The following INTS1 variants were observed in gnomAD, a reference collection of about 807,000 sequenced individuals.
The protein encoded by INTS1 is integrator complex subunit 1.
In INTS1, 137 loss-of-function variants were observed where a neutral mutation model predicts 241.6. That is an observed-to-expected ratio of 0.57 (90% CI 0.49 to 0.65). The LOEUF is 0.65. Ranked by LOEUF, INTS1 falls within the 30% of genes least tolerant of loss-of-function variation. INTS1 has a pLI of 0.00. For synonymous variants in INTS1, 1,692 were observed against 1,337.8 expected (o/e 1.26, Z -5.78); for missense variants, 3,073 against 3,032.2 (o/e 1.01, Z -0.32).
chr7:1,487,859 A>G lies in INTS1; in HGVS notation c.2417T>C (p.Ile806Thr), dbSNP rs1782347676. 4.3e-6 allele frequency: 7 copies of G among 1,613,528 alleles called. No individual in the cohort carries two copies. Among genetic ancestry groups the G allele is most frequent in the Non-Finnish European group, 5.9e-6 (7 of 1,179,844 alleles). The stretch of plus-strand genomic sequence containing the variant: ...CGCCAGGTGCCCCTCGAAGGCCAGG[A>G]TCTCCTGCTTCTCCCGCTGGGCGGT... ...LQTAQREKQE[I>T]LAFEGHLAAA... Residue 806 changes from isoleucine to threonine, a missense_variant, in exon 19 of 48, where the codon ATC becomes ACC. Coordinates refer to ENST00000404767, the MANE Select transcript of INTS1 (RefSeq NM_001080453.3).
chr7:1,483,816 C>A lies in INTS1; in HGVS notation c.3467G>T (p.Ser1156Ile). The change falls in exon 26 of 48, where the codon AGC (serine) becomes ATC (isoleucine). Residue 1156 changes from serine (S) to isoleucine (I), a missense_variant. Physicochemically the swap from Ser to Ile is moderately radical, Grantham distance 142. Transcript: ENST00000404767. ...GATGTGCATGGTGGCTGTCTCCCCGCTGCTCCAGCGTAGGAAGACCTGGTC... is the reference window on the plus strand; with the variant it reads ...GATGTGCATGGTGGCTGTCTCCCCGATGCTCCAGCGTAGGAAGACCTGGTC... ...SQDQVFLRWS[S>I]GETATMHILV... 6.2e-7 allele frequency: 1 copy of A among 1,612,626 alleles called. No individual in the cohort carries two copies. Among genetic ancestry groups the A allele is most frequent in the Non-Finnish European group, 8.5e-7 (1 of 1,179,644 alleles).
intron 16 of INTS1, among the ~76,000 whole-genome samples, 178 bp downstream of exon 16, chr7:1,492,832 C>G (rs1380768492): frequency 1.3e-5 from 2 of 149,848 alleles, no homozygotes; most frequent in Non-Finnish European, 1.5e-5. Context: ...CGCGGGCTTA[C>G]CCGGGCGGGA....
intron 3 of INTS1, among the ~76,000 whole-genome samples, chr7:1,500,606 C>T (rs1783126868): frequency 2.0e-5 from 3 of 152,216 alleles, no homozygotes; most frequent in South Asian, 4.1e-4. Context: ...GTCCTGGCTC[C>T]GCTGTGTCCC....
intron 14 of INTS1, 98 bp from the exon 15 acceptor site, chr7:1,494,009 C>A: frequency 7.1e-7 from 1 of 1,416,294 alleles, no homozygotes; most frequent in Non-Finnish European, 9.5e-7. Flanking sequence ...AGCCCACGGG[C>A]TGGTGGCAGA....
rs1397885457 is a variant in INTS1, at chr7:1,476,416, C to G, written c.5191G>C (p.Glu1731Gln). The change falls in exon 38 of 48, where the codon GAG (glutamate) becomes CAG (glutamine). Residue 1731 changes from glutamate to glutamine, a missense_variant. By Grantham distance (29) the Glu-to-Gln change is conservative. Coordinates refer to ENST00000404767, the MANE Select transcript of INTS1 (RefSeq NM_001080453.3). ...ATCAGCTCCACCAGGCTGATGAGCT[C>G]CGGGCCCTGGACCCGCAGCACCAGC... Reference protein sequence around the residue: ...EELVLRVQGPELISLVELILA... With the variant: ...EELVLRVQGPQLISLVELILA... The G allele has an allele frequency of 6.4e-7, 1 of 1,572,236 alleles. No individual in the cohort carries two copies. The highest frequency in any genetic ancestry group is 1.1e-5 in the South Asian group (1 of 87,358).
Position 1,487,829 on chromosome 7 carries a change from G to C in INTS1, c.2447C>G (p.Ala816Gly), listed in dbSNP as rs985756363. Residue 816 changes from alanine (A) to glycine (G), a missense_variant, in exon 19 of 48, where the codon GCG (alanine) becomes GGG (glycine). By Grantham distance (60) the Ala-to-Gly change is moderately conservative (BLOSUM62 0). Coordinates refer to ENST00000404767, the MANE Select transcript of INTS1 (RefSeq NM_001080453.3). ...CTCAGTGATGGTCTGCTTGGTGGAC[G>C]CGGCCGCCAGGTGCCCCTCGAAGGC... ...ILAFEGHLAA[A>G]STKQTITESS... 2 of 1,613,066 alleles carry C rather than the reference G, an allele frequency of 1.2e-6. No homozygotes were observed. Among genetic ancestry groups the C allele is most frequent in the Non-Finnish European group, 8.5e-7 (1 of 1,179,836 alleles).
At position 1,499,071 on chromosome 7, in the gene INTS1, G is replaced by A. The variant is rs753245094; in HGVS notation, c.1041C>T (p.Ser347=). ...LNRRQPIDNV[S]RNLLRLLTST... is the part of the protein sequence containing the mutation. ...AGGTGAGGAGCCGCAGGAGGTTCCT[G>A]GAGACGTTGTCGATGGGCTGGCGCC... Residue 347 remains serine, a synonymous_variant, in exon 8 of 48, where the codon TCC becomes TCT. Transcript: ENST00000404767. The A allele has an allele frequency of 6.8e-6, 11 of 1,607,172 alleles. No individual in the cohort carries two copies. The highest frequency in any genetic ancestry group is 8.5e-6 in the Non-Finnish European group (10 of 1,178,076).
In INTS1 at chr7:1,473,524, CGCCGGAGGCCCGAGGCTTCCCTGCA is replaced by C. The variant is rs549440446; in HGVS notation, c.5957+17_5957+41del. 260 of 1,555,210 alleles carry C rather than the reference CGCCGGAGGCCCGAGGCTTCCCTGCA, an allele frequency of 1.7e-4. 1 individual carries two copies. In the African/African-American group the frequency reaches 3.0e-3, roughly 18 times the overall value. ...CACCCTCCAGACCCCGCTGGACCCT[CGCCGGAGGCCCGAGGCTTCCCTGCA>C]GCCCGTGGGCACTCACTGGAGCGGG... On this transcript the variant is annotated intron_variant, in intron 42 of 47. Coordinates refer to ENST00000404767, the MANE Select transcript of INTS1 (RefSeq NM_001080453.3).
At chr7:1,503,818 G>A (rs921306759) in intron 2 of INTS1, 85 bp downstream of exon 2, 11 of 1,004,872 alleles carry the variant, frequency 1.1e-5, no homozygotes, top group Admixed American at 9.3e-5. Flanking sequence ...CAAGCCCAAC[G>A]CAGGATCCGC....
Position 1,499,640 on chromosome 7 carries a change from G to A in INTS1, c.685-8C>T. ...GGAGTCCTCGATGTACACCTGTGTG[G>A]CAGCCACACCCTCAGCCCCGAGCCC... is the stretch of plus-strand genomic sequence containing the variant. On this transcript the variant is annotated splice_polypyrimidine_tract_variant and splice_region_variant and intron_variant, in intron 5 of 47. Coordinates refer to ENST00000404767, the MANE Select transcript of INTS1 (RefSeq NM_001080453.3). 2 of 1,591,530 alleles carry A rather than the reference G, an allele frequency of 1.3e-6. No homozygotes were observed. The highest frequency in any genetic ancestry group is 2.3e-5 in the East Asian group (1 of 44,352).
At position 1,474,247 on chromosome 7, in the gene INTS1, A is replaced by C; in HGVS notation, c.5750T>G (p.Leu1917Arg). The part of the protein sequence containing the change: ...CFLHVLGLLE[L>R]LQPHVFRSEH... ...GCTGCGGAACACGTGCGGCTGCAGC[A>C]GCTCCAGCAGGCCCAGCACGTGCAG... is the stretch of plus-strand genomic sequence containing the variant. The change falls in exon 41 of 48, where the codon CTG (leucine) becomes CGG (arginine). Residue 1917 changes from leucine (L) to arginine (R), a missense_variant. By Grantham distance (102) the Leu-to-Arg change is moderately radical. Coordinates refer to ENST00000404767, the MANE Select transcript of INTS1 (RefSeq NM_001080453.3). 1.2e-6 allele frequency: 2 copies of C among 1,605,282 alleles called. No homozygotes were observed. Among genetic ancestry groups the C allele is most frequent in the African/African-American group, 1.3e-5 (1 of 74,916 alleles).
At position 1,496,148 on chromosome 7, in the gene INTS1, A is replaced by T; in HGVS notation, c.1711+8T>A. Reference sequence around the variant, plus strand: ...CCAAGCAGGGCCAGGCCACCCCCACATCCTTACTCCTCTTTTCTCCTTTGT... The same window carrying T: ...CCAAGCAGGGCCAGGCCACCCCCACTTCCTTACTCCTCTTTTCTCCTTTGT... On this transcript the variant is annotated splice_region_variant and intron_variant, in intron 12 of 47. Transcript: ENST00000404767. 5 of 1,611,848 alleles carry T rather than the reference A, an allele frequency of 3.1e-6. No individual in the cohort carries two copies. The highest frequency in any genetic ancestry group is 4.2e-6 in the Non-Finnish European group (5 of 1,178,108).
At chr7:1,494,026 C>G (rs1182332113) in intron 14 of INTS1, 115 bp from the exon 15 acceptor site, 8 of 1,290,914 alleles carry the variant, frequency 6.2e-6, no homozygotes, top group Non-Finnish European at 8.4e-6. Flanking sequence ...CAGAGGGCTG[C>G]TGCTGCCTCC....
rs905048769 is a variant in INTS1 at position 1,497,890 on chromosome 7, C to A, written c.1425+522G>T. On this transcript the variant is annotated intron_variant, in intron 10 of 47. Transcript: ENST00000404767. The surrounding 1 kb of genome is among the most constrained non-coding windows in gnomAD (Gnocchi z 5.3). ...GTCCTACAGCCAGGGCTACAGGGAC[C>A]CCTGCTTAACCGAGGGACCCAATGC... Among the ~76,000 whole-genome samples the A allele has an allele frequency of 1.3e-5, 2 of 152,210 alleles. No homozygotes were observed. The highest frequency in any genetic ancestry group is 4.8e-5 in the African/African-American group (2 of 41,454).
rs770119452 is a variant in INTS1 at position 1,494,788 on chromosome 7, C to T, written c.1910+28G>A. The T allele has an allele frequency of 4.5e-5, 69 of 1,548,938 alleles. 1 individual carries two copies. In the South Asian group the frequency reaches 5.1e-4, roughly 11 times the overall value. On this transcript the variant is annotated intron_variant, in intron 14 of 47. Transcript: ENST00000404767. ...CCGCAGCCCCGCCCAGCCCGGCACA[C>T]AGGAGCCCCAGGCGGCAGCGCACTC...
chr7:1,487,098 A>C lies in INTS1; in HGVS notation c.2650T>G (p.Ser884Ala), dbSNP rs1480943217. 2.6e-6 allele frequency: 4 copies of C among 1,544,012 alleles called. No homozygotes were observed. The highest frequency in any genetic ancestry group is 3.5e-6 in the Non-Finnish European group (4 of 1,148,406). ...GCCAGCCAGGGCATGGACTGCGAGGAGGCCTGGGCAGGCGACAGTGGCGCC... is the reference window on the plus strand; with the variant it reads ...GCCAGCCAGGGCATGGACTGCGAGGCGGCCTGGGCAGGCGACAGTGGCGCC... ...FLLHIIQRQASSQSMPWLADL... is the reference protein window; with the variant it reads ...FLLHIIQRQAASQSMPWLADL... The change falls in exon 21 of 48, where the codon TCC becomes GCC. Residue 884 changes from serine to alanine, a missense_variant. By Grantham distance (99) the Ser-to-Ala change is moderately conservative. Transcript: ENST00000404767.
chr7:1,491,846 C>T (rs1489124511), intron 16 of INTS1, among the ~76,000 whole-genome samples: 3 of 152,218 alleles, frequency 2.0e-5, no homozygotes, highest in Admixed American at 2.0e-4. Context: ...TGCAGTGAAC[C>T]GTTGATTGTG....
At position 1,471,174 on chromosome 7, in the gene INTS1, G is replaced by A. The variant is rs1398391925; in HGVS notation, c.6306C>T (p.Leu2102=). ...MSSAEECCRN[L]AFSLALRSMQ... Reference sequence around the variant, plus strand: ...TGGAGCGCAGGGCCAGGCTGAAGGCGAGGTTGCGGCAACACTCCTCGGCCG... The same window carrying A: ...TGGAGCGCAGGGCCAGGCTGAAGGCAAGGTTGCGGCAACACTCCTCGGCCG... The change falls in exon 46 of 48, where the codon CTC becomes CTT. Residue 2102 remains leucine (L), a synonymous_variant. Transcript: ENST00000404767. 21 of 1,583,434 alleles carry A rather than the reference G, an allele frequency of 1.3e-5. No homozygotes were observed. The highest frequency in any genetic ancestry group is 3.5e-5 in the South Asian group (3 of 86,406).
chr7:1,495,297 G>A (rs545277498), intron 13 of INTS1, 136 bp downstream of exon 13: 3 of 1,072,188 alleles, frequency 2.8e-6, no homozygotes, highest in East Asian at 2.6e-5. Context: ...CCGGCTTAGT[G>A]GGGTGTGGGG....
Sources: allele counts gnomAD v4.1 joint callset (sites outside exome capture counted in the v4.1 genomes callset), GRCh38; gene constraint gnomAD v4.1.1; non-coding constraint Gnocchi (gnomAD v3.1); transcripts MANE v1.5; gene names NCBI Gene and HGNC (gene_info 2026-07-23, HGNC 2026-07-21).